Variants in ARHGEF38 observed in about 807,000 individuals in gnomAD.
ARHGEF38 encodes Rho guanine nucleotide exchange factor (GEF) 38.
Under a neutral mutation model 79.9 loss-of-function variants are expected in ARHGEF38, and 79 were observed. The observed-to-expected ratio is 0.99, with a 90% CI of 0.82 to 1.19. The LOEUF is 1.19. ARHGEF38 is among the 50% of genes most tolerant of loss of function. The pLI is 0.00. For missense variants in ARHGEF38, 962 were observed against 907.2 expected, an observed-to-expected ratio of 1.06 and a Z score of -0.78; for synonymous variants, 366 against 328.3, an observed-to-expected ratio of 1.11 and a Z score of -1.24.
rs1033597918 is a variant in ARHGEF38, at chr4:105,667,508, G to C, written c.1953G>C (p.Val651=). ...ACAATCCAGCAAAAATGCAGAAAGTGGATGCTGAGAACAGGTTCTGTGACG... is the reference window on the plus strand; with the variant it reads ...ACAATCCAGCAAAAATGCAGAAAGTCGATGCTGAGAACAGGTTCTGTGACG... ...KPYNPAKMQK[V]DAENRFCDDD... The change falls in exon 13 of 14, where the codon GTG becomes GTC. Residue 651 remains valine, a synonymous_variant. Coordinates refer to ENST00000420470, the MANE Select transcript of ARHGEF38 (RefSeq NM_001242729.2). The C allele has an allele frequency of 6.5e-7, 1 of 1,536,494 alleles. No individual in the cohort carries two copies. Among genetic ancestry groups the C allele is most frequent in the East Asian group, 2.4e-5 (1 of 40,922 alleles).
At chr4:105,613,783 T>A (rs1213802776) in intron 3 of ARHGEF38, among the ~76,000 whole-genome samples, 1 of 151,914 alleles carries the variant, frequency 6.6e-6, no homozygotes, top group South Asian at 2.1e-4. Context: ...TGTTCTGTAA[T>A]TTTTTTTAAT....
At chr4:105,616,414 A>C (rs887439656) in intron 3 of ARHGEF38, among the ~76,000 whole-genome samples, 1 of 152,132 alleles carries the variant, frequency 6.6e-6, no homozygotes, top group Middle Eastern at 3.2e-3. Flanking sequence ...TCATGGCAGA[A>C]GACAAAGGGG....
At chr4:105,667,742 A>G (rs1349666682) in intron 13 of ARHGEF38, 39 bp downstream of exon 13, 30 of 1,532,888 alleles carry the variant, frequency 2.0e-5, no homozygotes, top group Non-Finnish European at 2.5e-5. Context: ...TGTTCAAATC[A>G]TGAAAGAGTA....
intron 10 of ARHGEF38, 63 bp from the exon 11 acceptor site, chr4:105,666,114 A>C (rs1239066762): frequency 1.4e-6 from 2 of 1,409,898 alleles, no homozygotes; most frequent in South Asian, 1.6e-5. Context: ...AACTCAATAC[A>C]TTTAACACCT....
intron 1 of ARHGEF38, among the ~76,000 whole-genome samples, chr4:105,575,664 T>A (rs1726460139): frequency 6.6e-6 from 1 of 152,176 alleles, no homozygotes; most frequent in Non-Finnish European, 1.5e-5. Flanking sequence ...TCAGGTCTCA[T>A]TTATTTATTT....
At chr4:105,613,075 A>G (rs1459890985) in intron 2 of ARHGEF38, among the ~76,000 whole-genome samples, 1 of 152,172 alleles carries the variant, frequency 6.6e-6, no homozygotes, top group Admixed American at 6.6e-5. Context: ...ACACTAGTAC[A>G]TATCCTCATA....
intron 1 of ARHGEF38, among the ~76,000 whole-genome samples, chr4:105,568,975 A>G (rs973788): frequency 0.87 from 132,322 of 152,246 alleles, 57,529 homozygotes; most frequent in South Asian, 0.93. Context: ...ATTCTTTACT[A>G]AGAGATCAGT....
chr4:105,560,470 A>C (rs1440442158), intron 1 of ARHGEF38, among the ~76,000 whole-genome samples: 1 of 152,224 alleles, frequency 6.6e-6, no homozygotes, highest in East Asian at 1.9e-4. Flanking sequence ...TTTGCAAATG[A>C]AAAGAATGGA....
At chr4:105,657,460 C>T (rs182128367) in intron 9 of ARHGEF38, among the ~76,000 whole-genome samples, 2 of 152,206 alleles carry the variant, frequency 1.3e-5, no homozygotes, top group Admixed American at 6.5e-5. Context: ...AAAGGCAGAG[C>T]AGTTATTCTT....
chr4:105,607,304 A>AT (rs1176129468), intron 2 of ARHGEF38, among the ~76,000 whole-genome samples: 8 of 152,218 alleles, frequency 5.3e-5, no homozygotes, highest in African/African-American at 1.9e-4. Context: ...TAGATTGGTA[A>AT]TTTTTTCCCT....
At chr4:105,564,343 C>T (rs1180751288) in intron 1 of ARHGEF38, among the ~76,000 whole-genome samples, 1 of 152,088 alleles carries the variant, frequency 6.6e-6, no homozygotes, top group Non-Finnish European at 1.5e-5. Context: ...AAAATTCTGA[C>T]ACGCTACTAC....
intron 5 of ARHGEF38, among the ~76,000 whole-genome samples, chr4:105,638,663 T>A (rs1729496517): frequency 6.6e-6 from 1 of 152,146 alleles, no homozygotes; most frequent in African/African-American, 2.4e-5. Context: ...TTCACCATAC[T>A]TTTTTCTTCA....
intron 4 of ARHGEF38, chr4:105,631,617 T>C: frequency 8.1e-6 from 8 of 985,376 alleles, no homozygotes; most frequent in Non-Finnish European, 9.6e-6. Context: ...GAAGTATCTA[T>C]TCACTGTGAA....
chr4:105,677,862 G>T lies in ARHGEF38; in HGVS notation c.2259G>T (p.Glu753Asp), dbSNP rs1224048959. Residue 753 changes from glutamate to aspartate, a missense_variant, in exon 14 of 14, where the codon GAG becomes GAT. Physicochemically the swap from Glu to Asp is conservative, Grantham distance 45. Transcript: ENST00000420470. Reference sequence around the variant, plus strand: ...TTTGTGACCTAAGTGGCAATAAAGAGTGGTGGTTAGCTGAAGCTCAAGGGC... The same window carrying T: ...TTTGTGACCTAAGTGGCAATAAAGATTGGTGGTTAGCTGAAGCTCAAGGGC... ...LRFCDLSGNK[E>D]WWLAEAQGQK... 3.9e-6 allele frequency: 6 copies of T among 1,535,258 alleles called. No individual in the cohort carries two copies. The highest frequency in any genetic ancestry group is 2.4e-5 in the East Asian group (1 of 40,916).
intron 2 of ARHGEF38, among the ~76,000 whole-genome samples, chr4:105,603,875 T>G (rs1727927847): frequency 1.3e-5 from 2 of 152,178 alleles, no homozygotes; most frequent in Non-Finnish European, 2.9e-5. Flanking sequence ...TGAACTTTCC[T>G]TTGCAAGTTC....
chr4:105,605,730 A>G (rs998660072), intron 2 of ARHGEF38, among the ~76,000 whole-genome samples: 1 of 152,114 alleles, frequency 6.6e-6, no homozygotes, highest in African/African-American at 2.4e-5. Context: ...CTAGAAGCCA[A>G]CTGTCTCAGT....
At chr4:105,668,181 C>CT (rs977148464) in intron 13 of ARHGEF38, among the ~76,000 whole-genome samples, 16 of 151,320 alleles carry the variant, frequency 1.1e-4, no homozygotes, top group African/African-American at 3.4e-4. Flanking sequence ...GAAACTTTTT[C>CT]TTTTTTTCTT....
intron 2 of ARHGEF38, among the ~76,000 whole-genome samples, chr4:105,599,463 C>T (rs1490045772): frequency 6.6e-6 from 1 of 152,136 alleles, no homozygotes; most frequent in Non-Finnish European, 1.5e-5. Flanking sequence ...AAAGTCATCC[C>T]TCAGCCTGGG....
chr4:105,571,468 G>A (rs781104089), intron 1 of ARHGEF38, among the ~76,000 whole-genome samples: 6 of 151,752 alleles, frequency 4.0e-5, no homozygotes, highest in African/African-American at 7.3e-5. Flanking sequence ...GATTACAGGC[G>A]CCCACCACCA....
Sources: allele counts gnomAD v4.1 joint callset (sites outside exome capture counted in the v4.1 genomes callset), GRCh38; gene constraint gnomAD v4.1.1; transcripts MANE v1.5; gene names NCBI Gene and HGNC (gene_info 2026-07-23, HGNC 2026-07-21).